Variants in LRIF1 observed in about 807,000 individuals in gnomAD.
LRIF1 encodes ligand dependent nuclear receptor interacting factor 1.
In LRIF1, 32 loss-of-function variants were observed where a neutral mutation model predicts 52.7. That is an observed-to-expected ratio of 0.61 (90% CI 0.46 to 0.82). The LOEUF (loss-of-function observed/expected upper bound fraction) is 0.82, where lower values mean the gene tolerates loss of function less well. Among genes scored for constraint, LRIF1 ranks in the 40% least tolerant of loss-of-function variants. The probability of loss-of-function intolerance (pLI) is 0.00; values close to 1 mark genes in which losing one functional copy is unlikely to be tolerated. For synonymous variants in LRIF1, 323 were observed against 317.4 expected (o/e 1.02, Z -0.19); for missense variants, 887 against 892.0 (o/e 0.99, Z 0.07).
At chr1:110,893,479 T>C in the LRIF1 span, among the ~76,000 whole-genome samples, 1 of 152,136 alleles carries the variant, frequency 6.6e-6, no homozygotes, top group South Asian at 2.1e-4. Flanking sequence ...TGCGCCACCA[T>C]GTCCGGCTAA....
downstream of LRIF1, chr1:110,944,896 G>GC (rs563852119): frequency 7.2e-6 from 1 of 138,736 alleles, no homozygotes; most frequent in Non-Finnish European, 1.6e-5. Context: ...CAAGGTTGCT[G>GC]TTTTTTTTTT....
At chr1:110,956,828 TA>T (rs1658718925) in intron 1 of LRIF1, among the ~76,000 whole-genome samples, 1 of 152,198 alleles carries the variant, frequency 6.6e-6, no homozygotes, top group Non-Finnish European at 1.5e-5. Context: ...AAGCTGCAAT[TA>T]AGTGATATGC....
downstream of LRIF1, chr1:110,944,899 T>G (rs1658167830): frequency 6.6e-6 from 1 of 151,150 alleles, no homozygotes; most frequent in Admixed American, 6.6e-5. Flanking sequence ...GGTTGCTGTT[T>G]TTTTTTTTTT....
chr1:110,952,734 C>T lies in LRIF1; in HGVS notation c.150G>A (p.Lys50=). The T allele has an allele frequency of 6.2e-7, 1 of 1,613,846 alleles. No individual in the cohort carries two copies. The highest frequency in any genetic ancestry group is 8.5e-7 in the Non-Finnish European group (1 of 1,179,870). Residue 50 remains lysine (K), a synonymous_variant, in exon 2 of 4, where the codon AAG becomes AAA. Coordinates refer to ENST00000369763, the MANE Select transcript of LRIF1 (RefSeq NM_018372.4). ...CTAGTGGTATAAGATTTCCAGAAGA[C>T]TTAGGAATTGGAAGTAATTGCAGAA... ...KNLLQLLPIP[K]SSGNLIPLVQ...
chr1:110,877,772 A>G, the LRIF1 span, among the ~76,000 whole-genome samples: 108,975 of 152,184 alleles, frequency 0.72, 41,422 homozygotes, highest in Non-Finnish European at 0.84. Context: ...GGAGAGATGA[A>G]TGGACACGAA....
At chr1:110,956,821 C>G (rs1658718741) in intron 1 of LRIF1, among the ~76,000 whole-genome samples, 1 of 152,200 alleles carries the variant, frequency 6.6e-6, no homozygotes, top group South Asian at 2.1e-4. Flanking sequence ...TGTTAACAAG[C>G]TGCAATTAAG....
chr1:110,878,361 G>C, the LRIF1 span, among the ~76,000 whole-genome samples: 1 of 152,182 alleles, frequency 6.6e-6, no homozygotes, highest in African/African-American at 2.4e-5. Context: ...CACAGGCTCT[G>C]TGTAGGAAGG....
Position 110,963,886 on chromosome 1 carries a change from C to A in LRIF1, c.-198G>T, listed in dbSNP as rs1036894683. 1.8e-5 allele frequency: 8 copies of A among 449,870 alleles called. No individual in the cohort carries two copies. Among genetic ancestry groups the A allele is most frequent in the East Asian group, 3.4e-5 (1 of 29,306 alleles). 27.9% of individuals were successfully genotyped at this position (449,870 alleles called of 1,614,324 possible). A position where few individuals can be genotyped will look rare whatever the true frequency, so the allele number is the denominator to read the frequency against. ...CCAGGCTTCGGGACGAGGTCGCGCACCGCGCAGAAACCGGAAGGCTCCTGG... is the reference window on the plus strand; with the variant it reads ...CCAGGCTTCGGGACGAGGTCGCGCAACGCGCAGAAACCGGAAGGCTCCTGG... On this transcript the variant is annotated 5_prime_UTR_variant, in exon 1 of 4. Coordinates refer to ENST00000369763, the MANE Select transcript of LRIF1 (RefSeq NM_018372.4).
At chr1:110,949,269 C>T (rs764664208) in intron 3 of LRIF1, among the ~76,000 whole-genome samples, 2 of 151,914 alleles carry the variant, frequency 1.3e-5, no homozygotes, top group African/African-American at 2.4e-5. Flanking sequence ...CAGGTGCGTG[C>T]TACCTCACCC....
At chr1:110,908,291 C>T in the LRIF1 span, among the ~76,000 whole-genome samples, 1 of 152,176 alleles carries the variant, frequency 6.6e-6, no homozygotes, top group African/African-American at 2.4e-5. Context: ...AAAGGAACAT[C>T]AGCCTACACA....
the LRIF1 span, among the ~76,000 whole-genome samples, chr1:110,921,511 C>CA: frequency 6.6e-6 from 1 of 151,736 alleles, no homozygotes; most frequent in Admixed American, 6.6e-5. Flanking sequence ...ACTAATACAA[C>CA]AAAAAAGCAT....
chr1:110,894,932 T>C, the LRIF1 span: 1 of 1,563,922 alleles, frequency 6.4e-7, no homozygotes, highest in Non-Finnish European at 8.8e-7. Flanking sequence ...TTTTACCATG[T>C]CTCCTCTGCT....
At chr1:110,891,800 T>C in the LRIF1 span, among the ~76,000 whole-genome samples, 1 of 152,222 alleles carries the variant, frequency 6.6e-6, no homozygotes, top group East Asian at 1.9e-4. Flanking sequence ...TTTCTTGTCT[T>C]TTTTTCTAGA....
chr1:110,891,314 C>T, the LRIF1 span: 1 of 989,568 alleles, frequency 1.0e-6, no homozygotes, highest in Non-Finnish European at 1.6e-6. Context: ...TGCTAGAGAT[C>T]CCTGAACATT....
At chr1:110,889,626 G>A in the LRIF1 span, among the ~76,000 whole-genome samples, 7 of 152,014 alleles carry the variant, frequency 4.6e-5, no homozygotes, top group African/African-American at 1.7e-4. Flanking sequence ...ATTGAGTACC[G>A]GTCTTGCTGT....
chr1:110,886,869 A>ATATATATATATT, the LRIF1 span, among the ~76,000 whole-genome samples: 132 of 82,752 alleles, frequency 1.6e-3, 1 homozygote, highest in East Asian at 8.7e-3. Flanking sequence ...ATATATATAT[A>ATATATATATATT]TTTTTTTTTT....
At chr1:110,902,495 T>TAAAAAAAAAAAAAAAAAAAAAAAAAA in the LRIF1 span, among the ~76,000 whole-genome samples, 9 of 72,658 alleles carry the variant, frequency 1.2e-4, no homozygotes, top group Non-Finnish European at 1.5e-4. Context: ...AATCAATCAC[T>TAAAAAAAAAAAAAAAAAAAAAAAAAA]AAAAAAAAAA....
chr1:110,922,883 A>T, the LRIF1 span, among the ~76,000 whole-genome samples: 1 of 152,212 alleles, frequency 6.6e-6, no homozygotes, highest in Non-Finnish European at 1.5e-5. Flanking sequence ...GGTCTTGGCC[A>T]CATCACTCCA....
chr1:110,955,610 C>T (rs547500039), intron 1 of LRIF1, among the ~76,000 whole-genome samples: 92 of 152,246 alleles, frequency 6.0e-4, no homozygotes, highest in African/African-American at 2.2e-3. Flanking sequence ...TAAAAATGTA[C>T]ACTGAAAACA....
Sources: gnomAD v4.1 joint callset for allele counts (sites outside exome capture counted in the v4.1 genomes callset) on GRCh38, gnomAD v4.1.1 for gene constraint, MANE v1.5 for transcripts, NCBI Gene and HGNC (gene_info 2026-07-23, HGNC 2026-07-21) for gene names.